Variants in LAMA1 observed in about 807,000 individuals in gnomAD.
The protein encoded by LAMA1 is laminin subunit alpha 1.
A neutral mutation model predicts 348.7 loss-of-function variants in LAMA1; 219 were observed. The observed-to-expected ratio is 0.63, with a 90% CI of 0.56 to 0.70. LAMA1 has a LOEUF of 0.70. LAMA1 is among the 30% of genes least tolerant of loss of function. The pLI is 0.00. For missense variants in LAMA1, 3,744 were observed against 3,888.0 expected (o/e 0.96, Z 0.99); for synonymous variants, 1,487 against 1,491.0 (o/e 1.00, Z 0.06).
intron 32 of LAMA1, 28 bp downstream of exon 32, chr18:6,999,417 T>C (rs761759432): frequency 1.2e-6 from 2 of 1,613,298 alleles, no homozygotes; most frequent in Non-Finnish European, 8.5e-7. Context: ...AAAAACCATC[T>C]TTACACATTT....
intron 1 of LAMA1, among the ~76,000 whole-genome samples, chr18:7,089,633 AT>A (rs1028283056): frequency 3.3e-5 from 5 of 152,256 alleles, no homozygotes; most frequent in Non-Finnish European, 7.3e-5. Context: ...CCGGTCCTCA[AT>A]AAACCCCCTG....
At position 7,043,347 on chromosome 18, in the gene LAMA1, CT is replaced by C. The variant is rs1373970320; in HGVS notation, c.1034del (p.Gln345ArgfsTer5). Reference protein sequence around the residue: ...DCYYDESVAKQKKSLNTAGQF... With the variant: ...DCYYDESVAKXKKSLNTAGQF... The stretch of plus-strand genomic sequence containing the variant: ...GTCCAGCAGTATTCAAACTTTTCTT[CT>C]GCTTTGCAACACTTTCATCATAGTA... On this transcript the variant is annotated frameshift_variant, in exon 8 of 63. Coordinates refer to ENST00000389658, the MANE Select transcript of LAMA1 (RefSeq NM_005559.4). LOFTEE classifies it high-confidence loss of function. The C allele has an allele frequency of 1.9e-6, 3 of 1,613,926 alleles. No homozygotes were observed. The highest frequency in any genetic ancestry group is 1.7e-5 in the Admixed American group (1 of 60,004).
At chr18:7,112,908 T>A (rs7231570) in intron 1 of LAMA1, among the ~76,000 whole-genome samples, 17,192 of 152,224 alleles carry the variant, frequency 0.11, 2,517 homozygotes, top group African/African-American at 0.34. Flanking sequence ...GTGCTGGGAT[T>A]ACAGGCGTGA....
chr18:7,108,016 A>T (rs1219453350), intron 1 of LAMA1, among the ~76,000 whole-genome samples: 1 of 149,826 alleles, frequency 6.7e-6, no homozygotes, highest in Non-Finnish European at 1.5e-5. Context: ...TCCGTCTCAA[A>T]TAAAAAAAAT....
intron 22 of LAMA1, 92 bp from the exon 23 acceptor site, chr18:7,014,143 G>T: frequency 1.0e-6 from 1 of 996,614 alleles, no homozygotes; most frequent in Non-Finnish European, 1.6e-6. Context: ...ACTACATGTG[G>T]GGAAGTTCTA....
At chr18:6,986,098 C>T in intron 37 of LAMA1, 39 bp downstream of exon 37, 2 of 1,607,542 alleles carry the variant, frequency 1.2e-6, no homozygotes, top group Non-Finnish European at 1.7e-6. Context: ...TATTTTGTTA[C>T]CTGTTCTAAT....
At chr18:6,947,083 G>GA in intron 61 of LAMA1, 80 bp downstream of exon 61, 1 of 1,567,022 alleles carries the variant, frequency 6.4e-7, no homozygotes, top group Non-Finnish European at 8.8e-7. Context: ...AGATAGTTGT[G>GA]AATTTGAATC....
intron 53 of LAMA1, among the ~76,000 whole-genome samples, chr18:6,960,952 T>C (rs535388165): frequency 1.5e-4 from 23 of 152,318 alleles, no homozygotes; most frequent in African/African-American, 5.3e-4. Context: ...AAGGTGGCAT[T>C]CTATAGATTT....
At chr18:7,063,127 G>A (rs2058109119) in intron 3 of LAMA1, among the ~76,000 whole-genome samples, 2 of 151,908 alleles carry the variant, frequency 1.3e-5, no homozygotes, top group South Asian at 4.2e-4. Flanking sequence ...CTTTCCTTTG[G>A]GCCCTAAATC....
At chr18:7,067,021 G>C (rs2058125438) in intron 3 of LAMA1, among the ~76,000 whole-genome samples, 2 of 152,178 alleles carry the variant, frequency 1.3e-5, no homozygotes, top group Admixed American at 1.3e-4. Context: ...TTATTGTGTA[G>C]CCAAATGATA....
At position 6,955,410 on chromosome 18, in the gene LAMA1, C is replaced by T; in HGVS notation, c.8150G>A (p.Gly2717Asp). Residue 2717 changes from glycine (G) to aspartate (D), a missense_variant, in exon 57 of 63, where the codon GGT becomes GAT. This residue lies in a region of LAMA1 where 1,983 missense variants were observed against 1,934.3 expected (regional missense o/e 1.03). Coordinates refer to ENST00000389658, the MANE Select transcript of LAMA1 (RefSeq NM_005559.4). ...GATGAAATGGCTGTTTTGTGTGAGACCAAACTGGTGAGCGCCGGGAACGTA... is the reference window on the plus strand; with the variant it reads ...GATGAAATGGCTGTTTTGTGTGAGATCAAACTGGTGAGCGCCGGGAACGTA... Reference protein sequence around the residue: ...LEYVPGAHQFGLTQNSHFILP... With the variant: ...LEYVPGAHQFDLTQNSHFILP... 6.2e-7 allele frequency: 1 copy of T among 1,614,082 alleles called. No individual in the cohort carries two copies. Among genetic ancestry groups the T allele is most frequent in the African/African-American group, 1.3e-5 (1 of 75,006 alleles).
intron 8 of LAMA1, 25 bp from the exon 9 acceptor site, chr18:7,042,275 TTC>T (rs2058023905): frequency 7.2e-7 from 1 of 1,390,348 alleles, no homozygotes; most frequent in African/African-American, 1.4e-5. Context: ...TTGCCCTGGA[TTC>T]TCTTACTAGA....
At chr18:6,969,143 C>CT (rs879261462) in intron 48 of LAMA1, among the ~76,000 whole-genome samples, 155 of 146,860 alleles carry the variant, frequency 1.1e-3, no homozygotes, top group South Asian at 1.5e-3. Flanking sequence ...TCCAGATGCA[C>CT]TTTTTTTTTT....
intron 34 of LAMA1, 95 bp from the exon 35 acceptor site, chr18:6,993,847 T>A: frequency 1.3e-6 from 1 of 775,774 alleles, no homozygotes. Flanking sequence ...TGTTGCCGCT[T>A]ATAAGCAACA....
At chr18:7,044,279 C>T (rs2058033122) in intron 7 of LAMA1, among the ~76,000 whole-genome samples, 1 of 148,016 alleles carries the variant, frequency 6.8e-6, no homozygotes, top group Non-Finnish European at 1.5e-5. Flanking sequence ...ATATGCATAA[C>T]AATTTTAGGA....
intron 44 of LAMA1, among the ~76,000 whole-genome samples, chr18:6,977,310 A>T (rs999901008): frequency 1.3e-5 from 2 of 152,206 alleles, no homozygotes; most frequent in Non-Finnish European, 2.9e-5. Context: ...TACTACACAA[A>T]CATTTTAAGG....
At chr18:6,998,966 G>A (rs570546036) in intron 32 of LAMA1, among the ~76,000 whole-genome samples, 33 of 152,288 alleles carry the variant, frequency 2.2e-4, no homozygotes, top group Non-Finnish European at 4.4e-4. Context: ...CCAGGAGGCG[G>A]AGGTTGCAAT....
At chr18:6,985,188 C>T (rs755419352) in intron 39 of LAMA1, 49 bp downstream of exon 39, 6 of 1,596,986 alleles carry the variant, frequency 3.8e-6, no homozygotes, top group East Asian at 4.5e-5. Context: ...TCTATTTCTC[C>T]GATCAATAGA....
At chr18:7,016,207 G>A in intron 21 of LAMA1, among the ~76,000 whole-genome samples, 1 of 152,142 alleles carries the variant, frequency 6.6e-6, no homozygotes. Flanking sequence ...ACTTCTCAAT[G>A]CAGATTCTCA....
Sources: allele counts gnomAD v4.1 joint callset (sites outside exome capture counted in the v4.1 genomes callset), GRCh38; gene constraint gnomAD v4.1.1; regional missense constraint gnomAD v4.1.1; transcripts MANE v1.5; gene names NCBI Gene and HGNC (gene_info 2026-07-23, HGNC 2026-07-21).